CDH4: variants seen among roughly 807,000 people sequenced by gnomAD.
CDH4 encodes the protein cadherin-4.
A neutral mutation model predicts 86.0 loss-of-function variants in CDH4; 33 were observed. That is an observed-to-expected ratio of 0.38 (90% CI 0.29 to 0.51). The LOEUF is 0.51. Ranked by LOEUF, CDH4 falls within the 20% of genes least tolerant of loss-of-function variation. The pLI, the probability that CDH4 is intolerant of heterozygous loss-of-function variation, is 0.86. For synonymous variants in CDH4, 555 were observed against 549.4 expected (o/e 1.01, Z -0.14); for missense variants, 1,114 against 1,307.4 (o/e 0.85, Z 2.28).
chr20:61,377,418 A>G lies in CDH4; in HGVS notation c.169+122481A>G, dbSNP rs1224107491. Among the ~76,000 whole-genome samples, 1 of 151,838 alleles carries G rather than the reference A, an allele frequency of 6.6e-6. No individual in the cohort carries two copies. Among genetic ancestry groups the G allele is most frequent in the African/African-American group, 2.4e-5 (1 of 41,338 alleles). ...GCCGGCCCCGCCTCCTGGTTGCCCC[A>G]TTTCCTTCATCCTCTCTCCACCTCC... On this transcript the variant is annotated intron_variant, in intron 2 of 15. Coordinates refer to ENST00000614565, the MANE Select transcript of CDH4 (RefSeq NM_001794.5). This position sits in a 1 kb window ranked among gnomAD's most constrained non-coding sequence, Gnocchi z 4.0.
intron 9 of CDH4, 77 bp from the exon 10 acceptor site, chr20:61,923,374 C>A: frequency 2.7e-6 from 4 of 1,477,404 alleles, no homozygotes; most frequent in Non-Finnish European, 9.4e-7. Flanking sequence ...TGGAGACCAA[C>A]CTTCCCATGT....
rs1568766124 is a variant in CDH4, at chr20:61,703,904, A to C, written c.170-39659A>C. Among the ~76,000 whole-genome samples the C allele has an allele frequency of 2.0e-5, 3 of 152,188 alleles. No homozygotes were observed. Among genetic ancestry groups the C allele is most frequent in the African/African-American group, 4.8e-5 (2 of 41,448 alleles). Reference sequence around the variant, plus strand: ...TGTGACCTTTCAGAACTCCCAATTAAATTTTTCCAATAAAATGAAAAGGTT... The same window carrying C: ...TGTGACCTTTCAGAACTCCCAATTACATTTTTCCAATAAAATGAAAAGGTT... On this transcript the variant is annotated intron_variant, in intron 2 of 15. Transcript: ENST00000614565. This position sits in a 1 kb window ranked among gnomAD's most constrained non-coding sequence, Gnocchi z 4.3.
rs765873375 is a variant in CDH4, at chr20:61,681,754, G to A, written c.170-61809G>A. Reference sequence around the variant, plus strand: ...CTGCCACCCTAGAAAGCCCTGCGTCGGTGTTGCTGTGTTCTCAGGCCCGTG... The same window carrying A: ...CTGCCACCCTAGAAAGCCCTGCGTCAGTGTTGCTGTGTTCTCAGGCCCGTG... On this transcript the variant is annotated intron_variant, in intron 2 of 15. Coordinates refer to ENST00000614565, the MANE Select transcript of CDH4 (RefSeq NM_001794.5). The surrounding 1 kb of genome is among the most constrained non-coding windows in gnomAD (Gnocchi z 4.5). 7.9e-5 allele frequency among the ~76,000 whole-genome samples: 12 copies of A among 152,188 alleles called. No individual in the cohort carries two copies. Among genetic ancestry groups the A allele is most frequent in the Admixed American group, 1.3e-4 (2 of 15,280 alleles).
chr20:61,636,616 C>T (rs1243414347), intron 2 of CDH4, among the ~76,000 whole-genome samples: 1 of 152,252 alleles, frequency 6.6e-6, no homozygotes, highest in African/African-American at 2.4e-5. Context: ...GCCTCTCTTC[C>T]ACGGGGCTTT....
intron 3 of CDH4, among the ~76,000 whole-genome samples, chr20:61,752,826 C>T (rs1054456790): frequency 1.3e-5 from 2 of 152,150 alleles, no homozygotes; most frequent in African/African-American, 2.4e-5. Context: ...AGTCCAAATT[C>T]GGGTGGCACT....
chr20:61,552,233 G>A (rs1425299620), intron 2 of CDH4, among the ~76,000 whole-genome samples: 1 of 152,124 alleles, frequency 6.6e-6, no homozygotes, highest in African/African-American at 2.4e-5. Flanking sequence ...ATATATAAGA[G>A]TCTAGTATCA....
chr20:61,612,945 C>A (rs1162961474), intron 2 of CDH4, among the ~76,000 whole-genome samples: 1 of 152,012 alleles, frequency 6.6e-6, no homozygotes, highest in East Asian at 1.9e-4. Context: ...ATTCTTCCAT[C>A]ATCTCTGTGT....
At chr20:61,871,689 G>A (rs965174671) in intron 6 of CDH4, among the ~76,000 whole-genome samples, 14 of 152,138 alleles carry the variant, frequency 9.2e-5, no homozygotes, top group African/African-American at 3.4e-4. Flanking sequence ...CATCGTGATG[G>A]GGGCAAGGAT....
intron 7 of CDH4, among the ~76,000 whole-genome samples, chr20:61,881,990 G>A (rs1197083299): frequency 1.3e-5 from 2 of 152,238 alleles, no homozygotes; most frequent in Admixed American, 6.5e-5. Flanking sequence ...AGACGATAAG[G>A]CTACAAGCCA....
intron 2 of CDH4, among the ~76,000 whole-genome samples, chr20:61,477,323 C>T (rs541428724): frequency 4.5e-4 from 62 of 138,960 alleles, no homozygotes; most frequent in African/African-American, 1.5e-3. Flanking sequence ...AGACATGGTC[C>T]GGGCCCCATG....
chr20:61,460,822 G>A (rs2085437901), intron 2 of CDH4, among the ~76,000 whole-genome samples: 1 of 152,210 alleles, frequency 6.6e-6, no homozygotes, highest in Admixed American at 6.5e-5. Context: ...GGTCATCCAT[G>A]GGTGTATCTG....
At chr20:61,817,072 G>T (rs1055108698) in intron 4 of CDH4, among the ~76,000 whole-genome samples, 14 of 152,206 alleles carry the variant, frequency 9.2e-5, no homozygotes, top group Non-Finnish European at 1.8e-4. Flanking sequence ...CCTTGGCTGG[G>T]CACATGGCGA....
chr20:61,741,653 G>A (rs62200768), intron 2 of CDH4, among the ~76,000 whole-genome samples: 9,492 of 151,990 alleles, frequency 0.062, 426 homozygotes, highest in South Asian at 0.17. Context: ...CACCACGCCC[G>A]GCTAACTTTT....
Position 61,392,786 on chromosome 20 carries a change from G to A in CDH4, c.169+137849G>A, listed in dbSNP as rs2084993654. On this transcript the variant is annotated intron_variant, in intron 2 of 15. Transcript: ENST00000614565. The surrounding 1 kb of genome is among the most constrained non-coding windows in gnomAD (Gnocchi z 5.7). ...CGGTATTGCACATTTATTTCCTAGC[G>A]GGGTAGAAACACTGGCCCCCCACGG... Among the ~76,000 whole-genome samples, 1 of 152,090 alleles carries A rather than the reference G, an allele frequency of 6.6e-6. No individual in the cohort carries two copies. Among genetic ancestry groups the A allele is most frequent in the South Asian group, 2.1e-4 (1 of 4,810 alleles).
Position 61,733,998 on chromosome 20 carries a change from G to C in CDH4, c.170-9565G>C, listed in dbSNP as rs1035340167. On this transcript the variant is annotated intron_variant, in intron 2 of 15. Transcript: ENST00000614565. ...GGAAGCGGAGCGCATGTCACTCAGG[G>C]CTGGTTCCCAGCGCAGGCTGTCTCC... 2.0e-5 allele frequency among the ~76,000 whole-genome samples: 3 copies of C among 152,258 alleles called. No individual in the cohort carries two copies. In the South Asian group the frequency reaches 6.2e-4, roughly 32 times the overall value.
chr20:61,815,689 G>A (rs947829233), intron 4 of CDH4, among the ~76,000 whole-genome samples: 7 of 152,328 alleles, frequency 4.6e-5, no homozygotes, highest in South Asian at 2.1e-4. Context: ...TTGTGCTTTC[G>A]ACGCCCGGAG....
intron 4 of CDH4, among the ~76,000 whole-genome samples, chr20:61,797,774 G>A (rs1979608795): frequency 6.6e-6 from 1 of 152,168 alleles, no homozygotes; most frequent in South Asian, 2.1e-4. Context: ...CTGACAAAGT[G>A]AGACCCCGTC....
At chr20:61,553,656 C>A (rs1372000597) in intron 2 of CDH4, among the ~76,000 whole-genome samples, 1 of 152,226 alleles carries the variant, frequency 6.6e-6, no homozygotes, top group Non-Finnish European at 1.5e-5. Context: ...GATATCATCC[C>A]ACCATCATTG....
chr20:61,713,707 TTCCCCATGTGAGCAGCGAGGGAGGGGGC>T (rs2145901968), intron 2 of CDH4, among the ~76,000 whole-genome samples: 1 of 152,334 alleles, frequency 6.6e-6, no homozygotes, highest in South Asian at 2.1e-4. Context: ...GAGCCTCCGT[TTCCCCATGTGAGCAGCGAGGGAGGGGGC>T]TCCCCATGGG....
Sources: gnomAD v4.1 joint callset for allele counts (sites outside exome capture counted in the v4.1 genomes callset) on GRCh38, gnomAD v4.1.1 for gene constraint, Gnocchi (gnomAD v3.1) non-coding constraint, MANE v1.5 for transcripts, NCBI Gene and HGNC (gene_info 2026-07-23, HGNC 2026-07-21) for gene names.